MRTFA: variants seen among roughly 807,000 people sequenced by gnomAD.
The protein encoded by MRTFA is myocardin related transcription factor A, also known as myocardin-related transcription factor A.
In MRTFA, 20 loss-of-function variants were observed where a neutral mutation model predicts 83.5. The ratio of observed to expected loss-of-function variants is 0.24; its 90% CI spans 0.17 to 0.35. The LOEUF is 0.35. Among genes scored for constraint, MRTFA ranks in the 10% least tolerant of loss-of-function variants. MRTFA has a pLI of 1.00. For missense variants in MRTFA, 1,200 were observed against 1,224.7 expected, an observed-to-expected ratio of 0.98 and a Z score of 0.30; for synonymous variants, 659 against 541.2, an observed-to-expected ratio of 1.22 and a Z score of -3.02.
chr22:40,579,027 G>C (rs1459628026), intron 2 of MRTFA, among the ~76,000 whole-genome samples: 1 of 152,226 alleles, frequency 6.6e-6, no homozygotes, highest in African/African-American at 2.4e-5. Context: ...AGGACAGTTT[G>C]AGCCCAGGAG....
chr22:40,457,414 G>C (rs77428137), intron 4 of MRTFA, among the ~76,000 whole-genome samples: 1 of 134,258 alleles, frequency 7.4e-6, no homozygotes, highest in African/African-American at 2.8e-5. Context: ...AAGAGAGAGA[G>C]AGACAGAATG....
intron 3 of MRTFA, among the ~76,000 whole-genome samples, chr22:40,545,783 G>A (rs2055356171): frequency 6.7e-6 from 1 of 150,098 alleles, no homozygotes. Flanking sequence ...ACCCAGGCTG[G>A]AGTGTAGTGG....
At chr22:40,475,487 A>G (rs747669226) in intron 3 of MRTFA, among the ~76,000 whole-genome samples, 79 of 152,132 alleles carry the variant, frequency 5.2e-4, no homozygotes, top group Non-Finnish European at 9.1e-4. Context: ...CAGTGAGCCG[A>G]AATTGTGCCC....
In MRTFA at chr22:40,410,733, T is replaced by C. The variant is rs1002407056; in HGVS notation, c.*657A>G. 66 of 233,164 alleles carry C rather than the reference T, an allele frequency of 2.8e-4. No individual in the cohort carries two copies. The highest frequency in any genetic ancestry group is 8.5e-5 in the Non-Finnish European group (10 of 117,976). The allele number at this position is 233,164 out of a possible 1,614,324, so 14.4% of individuals were successfully genotyped here. On this transcript the variant is annotated 3_prime_UTR_variant, in exon 15 of 15. Transcript: ENST00000355630. ...AAGGGTAACCTTGCATCCAGGCCCT[T>C]CTGTGAGAGTAGGATGGGAGGGAGT...
At chr22:40,464,520 GAAAGAAAAA>G (rs928557460) in intron 3 of MRTFA, among the ~76,000 whole-genome samples, 5 of 149,844 alleles carry the variant, frequency 3.3e-5, no homozygotes, top group African/African-American at 9.9e-5. Context: ...AAAAAAAAAA[GAAAGAAAAA>G]AAAGAAAATG....
At chr22:40,496,564 T>C (rs895574381) in intron 3 of MRTFA, among the ~76,000 whole-genome samples, 3 of 144,914 alleles carry the variant, frequency 2.1e-5, no homozygotes, top group Non-Finnish European at 3.0e-5. Context: ...GCAAGATCCA[T>C]AATAAATGCA....
intron 7 of MRTFA, among the ~76,000 whole-genome samples, chr22:40,424,821 T>G (rs1173724218): frequency 6.6e-6 from 1 of 152,148 alleles, no homozygotes; most frequent in Non-Finnish European, 1.5e-5. Context: ...CCCATGATGC[T>G]TACAGATGGT....
At chr22:40,448,264 C>T (rs1368983659) in intron 4 of MRTFA, among the ~76,000 whole-genome samples, 1 of 152,150 alleles carries the variant, frequency 6.6e-6, no homozygotes, top group African/African-American at 2.4e-5. Context: ...GAGCCAAGAT[C>T]ACACCACTGC....
intron 7 of MRTFA, among the ~76,000 whole-genome samples, chr22:40,428,687 G>T (rs879371940): frequency 1.3e-5 from 2 of 151,996 alleles, no homozygotes; most frequent in Admixed American, 6.6e-5. Flanking sequence ...CTAATTTTTT[G>T]ATTTTTTTTG....
At chr22:40,414,851 G>A (rs2052642558) in intron 14 of MRTFA, among the ~76,000 whole-genome samples, 2 of 152,116 alleles carry the variant, frequency 1.3e-5, no homozygotes, top group African/African-American at 4.8e-5. Context: ...AAAATGATTA[G>A]AATGGCAAAT....
In MRTFA at chr22:40,636,679, T is replaced by C. The variant is rs2147462612; in HGVS notation, c.-285A>G. ...TCGCCGCCGCGGCCACCACAGACAC[T>C]GCCGCCGCCGGCTCCTCTCAGCCAC... On this transcript the variant is annotated 5_prime_UTR_variant, in exon 1 of 15. Coordinates refer to ENST00000355630, the MANE Select transcript of MRTFA (RefSeq NM_020831.6). The C allele has an allele frequency of 6.6e-6, 1 of 152,410 alleles. No individual in the cohort carries two copies. The highest frequency in any genetic ancestry group is 2.1e-4 in the South Asian group (1 of 4,834). The allele number at this position is 152,410 out of a possible 1,614,324, so 9.4% of individuals were successfully genotyped here. A position where few individuals can be genotyped will look rare whatever the true frequency, so the allele number is the denominator to read the frequency against.
At chr22:40,519,504 G>C (rs2054824213) in intron 3 of MRTFA, 2 of 1,347,920 alleles carry the variant, frequency 1.5e-6, no homozygotes, top group Non-Finnish European at 2.0e-6. Context: ...ACTTCCTTCA[G>C]GAGTCATTTT....
chr22:40,488,146 G>T (rs990576020), intron 3 of MRTFA, among the ~76,000 whole-genome samples: 1 of 152,178 alleles, frequency 6.6e-6, no homozygotes, highest in African/African-American at 2.4e-5. Flanking sequence ...GAGTACAAAA[G>T]GGATTAGGTA....
At chr22:40,442,594 G>C (rs996496326) in intron 4 of MRTFA, among the ~76,000 whole-genome samples, 2 of 120,150 alleles carry the variant, frequency 1.7e-5, no homozygotes, top group African/African-American at 3.2e-5. Context: ...CACTATGCCA[G>C]TCACTGAGGA....
At chr22:40,414,167 C>T (rs1398454822) in intron 14 of MRTFA, among the ~76,000 whole-genome samples, 2 of 152,074 alleles carry the variant, frequency 1.3e-5, no homozygotes, top group Non-Finnish European at 2.9e-5. Context: ...AGTGAAACCC[C>T]GTCTCTACTA....
At chr22:40,463,987 G>A (rs976064410) in intron 3 of MRTFA, among the ~76,000 whole-genome samples, 1 of 151,618 alleles carries the variant, frequency 6.6e-6, no homozygotes, top group African/African-American at 2.4e-5. Context: ...AACTTAATAG[G>A]GATTTTTTTT....
chr22:40,512,312 C>T (rs563668587), intron 3 of MRTFA, among the ~76,000 whole-genome samples: 1 of 152,286 alleles, frequency 6.6e-6, no homozygotes, highest in South Asian at 2.1e-4. Flanking sequence ...TGTCAATGGA[C>T]ACAGATGATA....
At chr22:40,435,596 A>G (rs750100815) in intron 4 of MRTFA, 42 bp from the exon 5 acceptor site, 7 of 1,604,688 alleles carry the variant, frequency 4.4e-6, no homozygotes, top group Non-Finnish European at 6.0e-6. Flanking sequence ...CAAGCGAAGC[A>G]TCATGTCTAG....
intron 3 of MRTFA, among the ~76,000 whole-genome samples, chr22:40,514,815 C>T (rs550075798): frequency 1.3e-5 from 2 of 151,968 alleles, no homozygotes; most frequent in African/African-American, 2.4e-5. Flanking sequence ...TTTGTACATG[C>T]TCTTCAGGGA....
Sources: allele counts gnomAD v4.1 joint callset (sites outside exome capture counted in the v4.1 genomes callset), GRCh38; gene constraint gnomAD v4.1.1; transcripts MANE v1.5; gene names NCBI Gene and HGNC (gene_info 2026-07-23, HGNC 2026-07-21).